SMIM14: variants seen among roughly 807,000 people sequenced by gnomAD.
The protein encoded by SMIM14 is chromosome 4 open reading frame 34.
In SMIM14, 5 loss-of-function variants were observed where a neutral mutation model predicts 12.6. The ratio of observed to expected loss-of-function variants is 0.40; its 90% CI spans 0.21 to 0.83. The LOEUF (loss-of-function observed/expected upper bound fraction) is 0.83. Among genes scored for constraint, SMIM14 ranks in the 40% least tolerant of loss-of-function variants. The pLI is 0.37. For synonymous variants in SMIM14, 30 were observed against 40.1 expected, an observed-to-expected ratio of 0.75 and a Z score of 0.95; for missense variants, 86 against 119.1, an observed-to-expected ratio of 0.72 and a Z score of 1.29.
At chr4:39,572,642 C>A (rs1488395682) in intron 2 of SMIM14, among the ~76,000 whole-genome samples, 179 bp from the exon 3 acceptor site, 1 of 151,784 alleles carries the variant, frequency 6.6e-6, no homozygotes, top group Non-Finnish European at 1.5e-5. Context: ...GGTAACACAG[C>A]AATACCCCAT....
intron 1 of SMIM14, among the ~76,000 whole-genome samples, chr4:39,632,795 A>T (rs1715955192): frequency 6.7e-6 from 1 of 149,082 alleles, no homozygotes; most frequent in South Asian, 2.2e-4. Context: ...ACACACACAC[A>T]CACACACACA....
chr4:39,588,193 T>C (rs1156921726), intron 2 of SMIM14: 2 of 116,054 alleles, frequency 1.7e-5, no homozygotes, highest in Non-Finnish European at 3.9e-5. Flanking sequence ...GGTTGTTCTA[T>C]GGAACTAAGT....
chr4:39,589,860 G>A (rs559908457), intron 2 of SMIM14: 28 of 151,910 alleles, frequency 1.8e-4, no homozygotes, highest in African/African-American at 6.8e-4. Flanking sequence ...GGCCAACATA[G>A]TGAAACCGTC....
intron 3 of SMIM14, among the ~76,000 whole-genome samples, chr4:39,559,665 G>A (rs1712193481): frequency 6.6e-6 from 1 of 152,150 alleles, no homozygotes; most frequent in African/African-American, 2.4e-5. Flanking sequence ...AGTGATAAAA[G>A]CGGACAAAGT....
chr4:39,597,085 CT>C (rs35373264), intron 2 of SMIM14, among the ~76,000 whole-genome samples: 11,243 of 133,706 alleles, frequency 0.084, 674 homozygotes, highest in Non-Finnish European at 0.12. Context: ...CCAGGTTTCC[CT>C]TTTTTTTTTT....
chr4:39,584,793 C>CAAAAAAA (rs34970724), intron 2 of SMIM14, among the ~76,000 whole-genome samples: 49 of 74,930 alleles, frequency 6.5e-4, no homozygotes, highest in African/African-American at 1.3e-3. Flanking sequence ...AGGACCTTGT[C>CAAAAAAA]AAAAAAAAAA....
At chr4:39,617,385 A>G (rs1715264816) in intron 1 of SMIM14, among the ~76,000 whole-genome samples, 1 of 152,236 alleles carries the variant, frequency 6.6e-6, no homozygotes, top group South Asian at 2.1e-4. Context: ...TTAACTATTC[A>G]AAGAGTATTA....
intron 3 of SMIM14, among the ~76,000 whole-genome samples, chr4:39,566,642 C>T (rs147627787): frequency 9.6e-4 from 146 of 151,824 alleles, no homozygotes; most frequent in African/African-American, 3.4e-3. Context: ...AGACCAGCCT[C>T]GGCAACATAC....
chr4:39,600,807 G>A (rs1306041889), intron 2 of SMIM14, among the ~76,000 whole-genome samples: 1 of 152,120 alleles, frequency 6.6e-6, no homozygotes, highest in African/African-American at 2.4e-5. Flanking sequence ...GGAGGCGGAC[G>A]TTGCAGTGAG....
intron 3 of SMIM14, 75 bp downstream of exon 3, chr4:39,572,340 G>A (rs1578322010): frequency 7.1e-6 from 3 of 421,718 alleles, no homozygotes; most frequent in Non-Finnish European, 1.2e-5. Context: ...AATAAATTCT[G>A]ACAAATATTC....
At chr4:39,615,387 T>C (rs1309945936) in intron 1 of SMIM14, among the ~76,000 whole-genome samples, 1 of 152,124 alleles carries the variant, frequency 6.6e-6, no homozygotes, top group Non-Finnish European at 1.5e-5. Context: ...AAAAAATAAA[T>C]AAATGAATGG....
chr4:39,634,430 T>C (rs1005452244), intron 1 of SMIM14, among the ~76,000 whole-genome samples: 16 of 152,228 alleles, frequency 1.1e-4, no homozygotes, highest in Admixed American at 1.0e-3. Context: ...TAAAAAGATT[T>C]GGGTTTCAAA....
intron 1 of SMIM14, among the ~76,000 whole-genome samples, chr4:39,621,920 C>T (rs1715511654): frequency 1.3e-5 from 2 of 151,596 alleles, no homozygotes; most frequent in African/African-American, 4.8e-5. Context: ...AGGCTCCAGC[C>T]ATCTTCCTGC....
chr4:39,593,083 G>A (rs556299297), intron 2 of SMIM14: 4 of 151,414 alleles, frequency 2.6e-5, no homozygotes, highest in South Asian at 2.1e-4. Flanking sequence ...TACCAAAGCC[G>A]GGCAGAGACA....
chr4:39,574,237 CTTTTTTTTTTT>C (rs11338888), intron 2 of SMIM14, among the ~76,000 whole-genome samples: 9 of 126,884 alleles, frequency 7.1e-5, no homozygotes, highest in African/African-American at 5.8e-5. Flanking sequence ...CTGCAACTTT[CTTTTTTTTTTT>C]TTTTTTTTTC....
chr4:39,591,999 C>T (rs1038922645), intron 2 of SMIM14, among the ~76,000 whole-genome samples: 4 of 151,736 alleles, frequency 2.6e-5, no homozygotes, highest in African/African-American at 4.8e-5. Context: ...GTGAGACCAG[C>T]GTAGGCAACA....
chr4:39,552,163 C>A lies in SMIM14; in HGVS notation c.268-5G>T. The A allele has an allele frequency of 6.3e-7, 1 of 1,579,778 alleles. No individual in the cohort carries two copies. Among genetic ancestry groups the A allele is most frequent in the Non-Finnish European group, 8.6e-7 (1 of 1,165,712 alleles). ...AGGAGCTGGTGGATCTTGTCCCTGG[C>A]ATTAGAAAGAAATAAATTATTTAAT... On this transcript the variant is annotated splice_region_variant and splice_polypyrimidine_tract_variant and intron_variant, in intron 4 of 4. Coordinates refer to ENST00000295958, the MANE Select transcript of SMIM14 (RefSeq NM_174921.3).
intron 2 of SMIM14, among the ~76,000 whole-genome samples, chr4:39,591,281 A>C (rs560482936): frequency 6.6e-6 from 1 of 152,170 alleles, no homozygotes; most frequent in South Asian, 2.1e-4. Flanking sequence ...GGCCAACTGT[A>C]TTAGATTAGG....
chr4:39,592,758 G>C (rs1365795722), intron 2 of SMIM14: 3 of 152,120 alleles, frequency 2.0e-5, no homozygotes, highest in Admixed American at 6.6e-5. Flanking sequence ...ACTATCATCA[G>C]AGAATACTAC....
Sources: gnomAD v4.1 joint callset for allele counts (sites outside exome capture counted in the v4.1 genomes callset) on GRCh38, gnomAD v4.1.1 for gene constraint, MANE v1.5 for transcripts, NCBI Gene and HGNC (gene_info 2026-07-23, HGNC 2026-07-21) for gene names.